Variants in FHIP1A observed in about 807,000 individuals in gnomAD.
The protein encoded by FHIP1A is FHF complex subunit HOOK-interacting protein 1A.
Under a neutral mutation model 88.6 loss-of-function variants are expected in FHIP1A, and 61 were observed. That is an observed-to-expected ratio of 0.69 (90% CI 0.56 to 0.85). The LOEUF (loss-of-function observed/expected upper bound fraction) is 0.85, where lower values mean the gene tolerates loss of function less well. FHIP1A is among the 40% of genes least tolerant of loss of function. The probability of loss-of-function intolerance (pLI) is 0.00; values close to 1 mark genes in which losing one functional copy is unlikely to be tolerated. For synonymous variants in FHIP1A, 478 were observed against 496.0 expected, an observed-to-expected ratio of 0.96 and a Z score of 0.48; for missense variants, 1,154 against 1,273.5, an observed-to-expected ratio of 0.91 and a Z score of 1.43.
intron 1 of FHIP1A, among the ~76,000 whole-genome samples, chr4:151,446,633 G>T (rs1420518079): frequency 7.0e-6 from 1 of 143,210 alleles, no homozygotes; most frequent in Non-Finnish European, 1.5e-5. Flanking sequence ...AAATTGGGAA[G>T]TTTCGGTGCT....
rs1202486214 is a variant in FHIP1A at position 151,646,548 on chromosome 4, G to A, written c.1227-10G>A. On this transcript the variant is annotated splice_polypyrimidine_tract_variant and intron_variant, in intron 9 of 13. Coordinates refer to ENST00000435205, the MANE Select transcript of FHIP1A (RefSeq NM_001109977.3). Reference sequence around the variant, plus strand: ...CAGAGACCAAACGCTTGTTCTTTTTGTCATTCTAGGTATCTGATCCCCTGC... The same window carrying A: ...CAGAGACCAAACGCTTGTTCTTTTTATCATTCTAGGTATCTGATCCCCTGC... 6.5e-7 allele frequency: 1 copy of A among 1,546,796 alleles called. No homozygotes were observed. Among genetic ancestry groups the A allele is most frequent in the African/African-American group, 1.4e-5 (1 of 72,888 alleles).
chr4:151,586,865 T>C (rs1264005971), intron 6 of FHIP1A, 66 bp downstream of exon 6: 2 of 1,199,392 alleles, frequency 1.7e-6, no homozygotes, highest in Non-Finnish European at 2.3e-6. Flanking sequence ...CTGCAAAGGA[T>C]TAATTTTAAA....
chr4:151,468,945 T>C (rs552925261), intron 2 of FHIP1A, among the ~76,000 whole-genome samples: 1 of 152,280 alleles, frequency 6.6e-6, no homozygotes, highest in South Asian at 2.1e-4. Flanking sequence ...AGTTATTCAG[T>C]ATCCTGCAGT....
rs368591720 is a variant in FHIP1A at position 151,569,552 on chromosome 4, TA to T, written c.105+3199del. Among the ~76,000 whole-genome samples the T allele has an allele frequency of 6.9e-3, 989 of 144,138 alleles. 13 individuals carry two copies. Among genetic ancestry groups the T allele is most frequent in the African/African-American group, 0.022 (872 of 39,534 alleles). 94.6% of individuals were successfully genotyped at this position (144,138 alleles called of 152,430 possible). On this transcript the variant is annotated intron_variant, in intron 4 of 13. Coordinates refer to ENST00000435205, the MANE Select transcript of FHIP1A (RefSeq NM_001109977.3). Reference sequence around the variant, plus strand: ...GGGTGACAGAGCAAGACAATGTCTTTAAAAAAAAAAAGGAAAAAATGAAGGC... The same window carrying T: ...GGGTGACAGAGCAAGACAATGTCTTTAAAAAAAAAAGGAAAAAATGAAGGC...
chr4:151,552,667 G>A (rs1000513742), intron 3 of FHIP1A, among the ~76,000 whole-genome samples: 3 of 151,988 alleles, frequency 2.0e-5, no homozygotes, highest in Admixed American at 6.6e-5. Context: ...ACACCCCGGG[G>A]CCTGTTGTCG....
rs750226705 is a variant in FHIP1A at position 151,566,329 on chromosome 4, A to G, written c.70A>G (p.Thr24Ala). The G allele has an allele frequency of 7.7e-6, 12 of 1,550,708 alleles. No individual in the cohort carries two copies. In the South Asian group the frequency reaches 1.3e-4, roughly 17 times the overall value. ...AVSLQGVDPE[T>A]CMIVFKNHWA... ...GAGCCTACAGGGAGTTGACCCAGAA[A>G]CATGCATGATTGTATTTAAAAACCA... The change falls in exon 4 of 14, where the codon ACA (threonine) becomes GCA (alanine). Residue 24 changes from threonine (T) to alanine (A), a missense_variant. Transcript: ENST00000435205.
intron 3 of FHIP1A, among the ~76,000 whole-genome samples, chr4:151,500,036 G>A (rs1730593793): frequency 6.6e-6 from 1 of 152,060 alleles, no homozygotes; most frequent in African/African-American, 2.4e-5. Context: ...TTAATAATTG[G>A]AAGTCATTAG....
intron 2 of FHIP1A, among the ~76,000 whole-genome samples, chr4:151,471,396 A>G (rs1729508655): frequency 6.6e-6 from 1 of 151,400 alleles, no homozygotes; most frequent in Non-Finnish European, 1.5e-5. Context: ...GGAACCTAGT[A>G]TTATGGAATC....
intron 3 of FHIP1A, among the ~76,000 whole-genome samples, chr4:151,517,944 A>G (rs1731306904): frequency 6.6e-6 from 1 of 152,234 alleles, no homozygotes; most frequent in African/African-American, 2.4e-5. Context: ...AAAAGTTTAT[A>G]CAGTAAAAAA....
chr4:151,617,475 A>G (rs1735585201), intron 7 of FHIP1A, among the ~76,000 whole-genome samples: 1 of 152,038 alleles, frequency 6.6e-6, no homozygotes, highest in Non-Finnish European at 1.5e-5. Context: ...TCCCTTCATG[A>G]TGTTCAAATG....
chr4:151,649,691 T>C lies in FHIP1A; in HGVS notation c.1650T>C (p.Pro550=), dbSNP rs1736936073. Residue 550 remains proline (P), a synonymous_variant, in exon 11 of 14, where the codon CCT becomes CCC. Transcript: ENST00000435205. ...TEEGSVSSAC[P]VFGLPQQLPR... ...AGGGCAGTGTGAGCTCGGCCTGCCC[T>C]GTGTTCGGGCTCCCGCAACAACTCC... The C allele has an allele frequency of 3.2e-6, 5 of 1,551,492 alleles. No homozygotes were observed. The highest frequency in any genetic ancestry group is 4.4e-6 in the Non-Finnish European group (5 of 1,146,944).
At chr4:151,426,673 T>G (rs10028035) in intron 1 of FHIP1A, among the ~76,000 whole-genome samples, 78,628 of 151,890 alleles carry the variant, frequency 0.52, 20,613 homozygotes, top group Non-Finnish European at 0.55. Flanking sequence ...TATAGGGAGG[T>G]CCCCATCTTT....
intron 3 of FHIP1A, among the ~76,000 whole-genome samples, chr4:151,562,517 A>G (rs1733213296): frequency 6.6e-6 from 1 of 152,102 alleles, no homozygotes; most frequent in Non-Finnish European, 1.5e-5. Flanking sequence ...CAATATAATC[A>G]CTTTTCCTTC....
intron 3 of FHIP1A, among the ~76,000 whole-genome samples, chr4:151,509,498 G>C (rs1248130902): frequency 1.3e-5 from 2 of 152,082 alleles, no homozygotes; most frequent in Admixed American, 1.3e-4. Context: ...GTGAGCCAGG[G>C]ATGGTACAGA....
intron 1 of FHIP1A, among the ~76,000 whole-genome samples, chr4:151,422,123 G>C (rs1375323559): frequency 6.6e-6 from 1 of 151,532 alleles, no homozygotes; most frequent in Non-Finnish European, 1.5e-5. Flanking sequence ...TCCTCGAAGA[G>C]TACCTGTATG....
intron 3 of FHIP1A, among the ~76,000 whole-genome samples, chr4:151,547,321 C>T (rs1732543734): frequency 6.6e-6 from 1 of 152,108 alleles, no homozygotes. Context: ...GAAGAGCCAC[C>T]CCGCAGAGAG....
intron 3 of FHIP1A, among the ~76,000 whole-genome samples, chr4:151,557,964 G>C (rs1733018971): frequency 6.6e-6 from 1 of 152,168 alleles, no homozygotes; most frequent in South Asian, 2.1e-4. Flanking sequence ...ATATATAAGG[G>C]AGAGACATTG....
chr4:151,422,129 G>T (rs1299229897), intron 1 of FHIP1A, among the ~76,000 whole-genome samples: 1 of 151,332 alleles, frequency 6.6e-6, no homozygotes, highest in Non-Finnish European at 1.5e-5. Context: ...AAGAGTACCT[G>T]TATGGTAATA....
chr4:151,429,544 G>A (rs540955914), intron 1 of FHIP1A, among the ~76,000 whole-genome samples: 1 of 152,300 alleles, frequency 6.6e-6, no homozygotes, highest in East Asian at 1.9e-4. Flanking sequence ...AAGGATGAAA[G>A]CACTTATCCT....
Sources: gnomAD v4.1 joint callset for allele counts (sites outside exome capture counted in the v4.1 genomes callset) on GRCh38, gnomAD v4.1.1 for gene constraint, MANE v1.5 for transcripts, NCBI Gene and HGNC (gene_info 2026-07-23, HGNC 2026-07-21) for gene names.